Variants in DRAM1 observed in about 807,000 individuals in gnomAD.
The protein encoded by DRAM1 is DNA damage regulated autophagy modulator 1.
DRAM1 carries 25 observed loss-of-function variants against 28.5 expected under a neutral mutation model. That is an observed-to-expected ratio of 0.88 (90% confidence interval 0.64 to 1.23). The LOEUF (loss-of-function observed/expected upper bound fraction) is 1.23. DRAM1 is among the 50% of genes most tolerant of loss of function. The pLI is 0.00. For missense variants in DRAM1, 249 were observed against 299.2 expected (o/e 0.83, Z 1.24); for synonymous variants, 113 against 114.2 (o/e 0.99, Z 0.07).
intron 1 of DRAM1, among the ~76,000 whole-genome samples, chr12:101,895,186 G>GTTTTTTTTTGTTTTGTTTTTTTTTT: frequency 1.3e-5 from 1 of 75,720 alleles, no homozygotes; most frequent in Non-Finnish European, 2.3e-5. Context: ...AACCCTTCAG[G>GTTTTTTTTTGTTTTGTTTTTTTTTT]TTTTTTTTTT....
In DRAM1 at chr12:101,877,931, G is replaced by C; in HGVS notation, c.131+11G>C. 6.6e-7 allele frequency: 1 copy of C among 1,523,344 alleles called. No individual in the cohort carries two copies. The highest frequency in any genetic ancestry group is 1.2e-5 in the South Asian group (1 of 81,258). The allele number at this position is 1,523,344 out of a possible 1,614,324, so 94.4% of individuals were successfully genotyped here. A position where few individuals can be genotyped will look rare whatever the true frequency, so the allele number is the denominator to read the frequency against. ...CCTCCCGTATATCAGGTGAGTGGCA[G>C]GGTGGGCGTCAGGGCCCCAGGAGCA... On this transcript the variant is annotated intron_variant, in intron 1 of 6. Coordinates refer to ENST00000258534, the MANE Select transcript of DRAM1 (RefSeq NM_018370.3). The surrounding 1 kb of genome is among the most constrained non-coding windows in gnomAD (Gnocchi z 4.1).
intron 3 of DRAM1, among the ~76,000 whole-genome samples, chr12:101,903,959 ACACC>A (rs202092215): frequency 9.5e-4 from 118 of 124,348 alleles, no homozygotes; most frequent in African/African-American, 4.2e-3. Flanking sequence ...ACACACACAC[ACACC>A]CCTATAAGCC....
At chr12:101,901,198 G>A (rs1436418805) in intron 2 of DRAM1, 93 bp from the exon 3 acceptor site, 2 of 1,425,996 alleles carry the variant, frequency 1.4e-6, no homozygotes, top group Non-Finnish European at 1.9e-6. Context: ...CTTGCAATCA[G>A]TACATTTTTA....
At chr12:101,908,893 C>CAAAAAAA (rs56843086) in intron 4 of DRAM1, among the ~76,000 whole-genome samples, 33 of 70,824 alleles carry the variant, frequency 4.7e-4, no homozygotes, top group Non-Finnish European at 5.9e-4. Flanking sequence ...TCCCCACAAC[C>CAAAAAAA]AAAAAAAAAA....
chr12:101,894,951 T>C (rs1052207576), intron 1 of DRAM1, among the ~76,000 whole-genome samples: 1 of 152,178 alleles, frequency 6.6e-6, no homozygotes, highest in African/African-American at 2.4e-5. Flanking sequence ...TGCTTTTTTA[T>C]ACCCTCAGGC....
intron 1 of DRAM1, among the ~76,000 whole-genome samples, chr12:101,896,176 C>G (rs1873363088): frequency 6.6e-6 from 1 of 152,248 alleles, no homozygotes; most frequent in African/African-American, 2.4e-5. Context: ...GCGTGGGCCA[C>G]TGTGCCCGGC....
chr12:101,879,230 T>C (rs183886152), intron 1 of DRAM1, among the ~76,000 whole-genome samples: 2 of 152,248 alleles, frequency 1.3e-5, no homozygotes, highest in East Asian at 3.9e-4. Flanking sequence ...ATTCCTGACC[T>C]CAAGTGATCC....
In DRAM1 at chr12:101,882,941, G is replaced by T. The variant is rs889021636; in HGVS notation, c.131+5021G>T. Among the ~76,000 whole-genome samples, 4 of 144,302 alleles carry T rather than the reference G, an allele frequency of 2.8e-5. No individual in the cohort carries two copies. In the South Asian group the frequency reaches 7.2e-4, roughly 26 times the overall value. The allele number at this position is 144,302 out of a possible 152,430, so 94.7% of individuals were successfully genotyped here. A position where few individuals can be genotyped will look rare whatever the true frequency, so the allele number is the denominator to read the frequency against. On this transcript the variant is annotated intron_variant, in intron 1 of 6. Transcript: ENST00000258534. ...CAGGGCATTGCTTTGAATAACAAAAGATTGGAAACTACAAATGACTATCAG... is the reference window on the plus strand; with the variant it reads ...CAGGGCATTGCTTTGAATAACAAAATATTGGAAACTACAAATGACTATCAG...
Position 101,877,814 on chromosome 12 carries a change from G to A in DRAM1, c.25G>A (p.Ala9Thr). The A allele has an allele frequency of 6.5e-7, 1 of 1,544,114 alleles. No homozygotes were observed. Among genetic ancestry groups the A allele is most frequent in the East Asian group, 2.5e-5 (1 of 40,334 alleles). Reference protein sequence around the residue: MLCFLRGMAFVPFLLVTWS... With the variant: MLCFLRGMTFVPFLLVTWS... ...GATGCTGTGCTTCCTGAGGGGAATG[G>A]CTTTCGTCCCCTTCCTCTTGGTGAC... The change falls in exon 1 of 7, where the codon GCT becomes ACT. Residue 9 changes from alanine (A) to threonine (T), a missense_variant. Coordinates refer to ENST00000258534, the MANE Select transcript of DRAM1 (RefSeq NM_018370.3). The surrounding 1 kb of genome is among the most constrained non-coding windows in gnomAD (Gnocchi z 4.1).
At chr12:101,901,868 C>CAAAAA (rs57574986) in intron 3 of DRAM1, among the ~76,000 whole-genome samples, 1 of 114,348 alleles carries the variant, frequency 8.7e-6, no homozygotes, top group Admixed American at 9.3e-5. Flanking sequence ...GACTCTATCT[C>CAAAAA]AAAAAAAAAA....
intron 1 of DRAM1, among the ~76,000 whole-genome samples, chr12:101,880,784 A>G (rs1329712157): frequency 6.6e-6 from 1 of 152,228 alleles, no homozygotes; most frequent in Non-Finnish European, 1.5e-5. Flanking sequence ...TGGGAAAATA[A>G]GCTGACAAGG....
chr12:101,903,083 TA>T (rs1242954754), intron 3 of DRAM1, among the ~76,000 whole-genome samples: 1 of 152,108 alleles, frequency 6.6e-6, no homozygotes, highest in Non-Finnish European at 1.5e-5. Context: ...CATGTCCAGC[TA>T]ATTTTTGTAT....
intron 1 of DRAM1, among the ~76,000 whole-genome samples, chr12:101,883,274 T>G (rs1872751540): frequency 6.7e-6 from 1 of 149,854 alleles, no homozygotes. Flanking sequence ...AAAGGATAAT[T>G]ATAAGGCATA....
chr12:101,895,088 C>T (rs569925822), intron 1 of DRAM1, among the ~76,000 whole-genome samples: 3 of 151,240 alleles, frequency 2.0e-5, no homozygotes, highest in South Asian at 2.1e-4. Context: ...GCCCATTCAG[C>T]ATTGTGCTCA....
rs1393518649 is a variant in DRAM1 at position 101,922,576 on chromosome 12, G to A, written c.*1316G>A. The stretch of plus-strand genomic sequence containing the variant: ...GGTGAGTAAAGGGGTGAGGCTCAGT[G>A]GCAGGTACCTCTGCAATGACAAGCT... On this transcript the variant is annotated 3_prime_UTR_variant, in exon 7 of 7. Coordinates refer to ENST00000258534, the MANE Select transcript of DRAM1 (RefSeq NM_018370.3). The A allele has an allele frequency of 6.6e-6, 1 of 152,184 alleles. No individual in the cohort carries two copies. The highest frequency in any genetic ancestry group is 1.5e-5 in the Non-Finnish European group (1 of 68,048). 9.4% of individuals were successfully genotyped at this position (152,184 alleles called of 1,614,324 possible).
chr12:101,909,877 T>C (rs1352946299), intron 4 of DRAM1, among the ~76,000 whole-genome samples: 2 of 152,214 alleles, frequency 1.3e-5, no homozygotes, highest in Non-Finnish European at 1.5e-5. Flanking sequence ...TCTGTAGTCA[T>C]ATCAGAGAAA....
At chr12:101,904,162 A>T (rs1873707348) in intron 3 of DRAM1, among the ~76,000 whole-genome samples, 1 of 149,694 alleles carries the variant, frequency 6.7e-6, no homozygotes, top group Non-Finnish European at 1.5e-5. Flanking sequence ...TGATTTTTGT[A>T]TTTTTTTTTA....
intron 1 of DRAM1, among the ~76,000 whole-genome samples, chr12:101,885,828 T>C (rs995235182): frequency 6.6e-5 from 10 of 152,004 alleles, no homozygotes; most frequent in African/African-American, 2.2e-4. Context: ...GCGTCCGGCC[T>C]CCCAGTGGCC....
At position 101,922,123 on chromosome 12, in the gene DRAM1, G is replaced by A. The variant is rs1389471920; in HGVS notation, c.*863G>A. 6.6e-6 allele frequency: 1 copy of A among 152,174 alleles called. No individual in the cohort carries two copies. The highest frequency in any genetic ancestry group is 1.9e-4 in the East Asian group (1 of 5,194). The allele number at this position is 152,174 out of a possible 1,614,324, so 9.4% of individuals were successfully genotyped here. ...AGTAAATGTGGCAAAGAGAAGAAAGGCCCAAGAGCGAGACAAGAAGAATGG... is the reference window on the plus strand; with the variant it reads ...AGTAAATGTGGCAAAGAGAAGAAAGACCCAAGAGCGAGACAAGAAGAATGG... On this transcript the variant is annotated 3_prime_UTR_variant, in exon 7 of 7. Transcript: ENST00000258534.
Sources: gnomAD v4.1 joint callset for allele counts (sites outside exome capture counted in the v4.1 genomes callset) on GRCh38, gnomAD v4.1.1 for gene constraint, Gnocchi (gnomAD v3.1) non-coding constraint, MANE v1.5 for transcripts, NCBI Gene and HGNC (gene_info 2026-07-23, HGNC 2026-07-21) for gene names.